The following SH3D19 variants were observed in gnomAD, a reference collection of about 807,000 sequenced individuals.
The protein encoded by SH3D19 is SH3 domain-containing protein 19.
In SH3D19, 58 loss-of-function variants were observed where a neutral mutation model predicts 112.1. The ratio of observed to expected loss-of-function variants is 0.52; its 90% confidence interval spans 0.42 to 0.64. SH3D19 has a LOEUF of 0.64. Among genes scored for constraint, SH3D19 ranks in the 30% least tolerant of loss-of-function variants. The pLI is 0.00. For missense variants in SH3D19, 1,090 were observed against 1,263.4 expected, an observed-to-expected ratio of 0.86 and a Z score of 2.08; for synonymous variants, 391 against 448.5, an observed-to-expected ratio of 0.87 and a Z score of 1.62.
intron 2 of SH3D19, among the ~76,000 whole-genome samples, chr4:151,195,371 C>CAAAAA (rs58618820): frequency 2.0e-3 from 136 of 66,744 alleles, no homozygotes; most frequent in Non-Finnish European, 2.4e-3. Flanking sequence ...GACTCTGTCT[C>CAAAAA]AAAAAAAAAA....
chr4:151,304,106 C>G (rs1728714130), intron 1 of SH3D19, among the ~76,000 whole-genome samples: 1 of 152,050 alleles, frequency 6.6e-6, no homozygotes, highest in Non-Finnish European at 1.5e-5. Flanking sequence ...GCACATACTA[C>G]CCAACCCAGC....
chr4:151,221,961 C>T (rs1473114206), intron 2 of SH3D19, among the ~76,000 whole-genome samples: 4 of 152,184 alleles, frequency 2.6e-5, no homozygotes, highest in African/African-American at 7.2e-5. Context: ...AGAACAGAGA[C>T]TCACAAGAGA....
At chr4:151,305,481 C>T (rs532048709) in intron 1 of SH3D19, among the ~76,000 whole-genome samples, 118 of 152,072 alleles carry the variant, frequency 7.8e-4, no homozygotes, top group Non-Finnish European at 1.3e-3. Flanking sequence ...TTAAACAACC[C>T]AATTTTTAAA....
intron 19 of SH3D19, among the ~76,000 whole-genome samples, chr4:151,123,117 TG>T (rs1579586529): frequency 6.6e-6 from 1 of 152,310 alleles, no homozygotes; most frequent in East Asian, 1.9e-4. Context: ...CACAAAGTGT[TG>T]GGGTTACAGG....
At chr4:151,198,535 T>C (rs1763915162) in intron 2 of SH3D19, among the ~76,000 whole-genome samples, 2 of 150,312 alleles carry the variant, frequency 1.3e-5, no homozygotes, top group Non-Finnish European at 3.0e-5. Context: ...TTTGTATCAC[T>C]TGATCAAAGG....
At chr4:151,254,489 C>T (rs898157976) in intron 1 of SH3D19, among the ~76,000 whole-genome samples, 7 of 141,008 alleles carry the variant, frequency 5.0e-5, no homozygotes, top group African/African-American at 1.5e-4. Context: ...TGTTTGTGTC[C>T]CTGGGTACTT....
At chr4:151,292,706 CT>C (rs1163575780) in intron 1 of SH3D19, among the ~76,000 whole-genome samples, 1 of 152,110 alleles carries the variant, frequency 6.6e-6, no homozygotes, top group East Asian at 1.9e-4. Flanking sequence ...TTAAGTCATC[CT>C]TTATTTCTCA....
intron 18 of SH3D19, among the ~76,000 whole-genome samples, 194 bp downstream of exon 18, chr4:151,127,971 ATTATT>A (rs1477711162): frequency 2.0e-5 from 3 of 152,224 alleles, no homozygotes; most frequent in Non-Finnish European, 4.4e-5. Context: ...GGAATTAGCC[ATTATT>A]TAGTGAAGAC....
Position 151,121,989 on chromosome 4 carries a change from ATTTC to A in SH3D19, c.*98_*101del. 2 of 684,776 alleles carry A rather than the reference ATTTC, an allele frequency of 2.9e-6. No homozygotes were observed. The highest frequency in any genetic ancestry group is 2.6e-4 in the Middle Eastern group (1 of 3,840). 42.4% of individuals were successfully genotyped at this position (684,776 alleles called of 1,614,324 possible). A position where few individuals can be genotyped will look rare whatever the true frequency, so the allele number is the denominator to read the frequency against. ...CTAGTGTACCATGTACAGCTTAGATATTTCTTTTTCAGTTAAAAAAAATAGTGCA... is the reference window on the plus strand; with the variant it reads ...CTAGTGTACCATGTACAGCTTAGATATTTTTCAGTTAAAAAAAATAGTGCA... On this transcript the variant is annotated 3_prime_UTR_variant, in exon 20 of 20. Coordinates refer to ENST00000604030, the MANE Select transcript of SH3D19 (RefSeq NM_001378122.1).
At chr4:151,127,552 C>T in intron 19 of SH3D19, 66 bp downstream of exon 19, 1 of 939,896 alleles carries the variant, frequency 1.1e-6, no homozygotes, top group South Asian at 1.8e-5. Context: ...ATGTTCCATC[C>T]TTCAATGGAA....
chr4:151,213,675 A>T (rs111235238), intron 2 of SH3D19, among the ~76,000 whole-genome samples: 122,963 of 149,964 alleles, frequency 0.82, 52,396 homozygotes, highest in Non-Finnish European at 0.95. Flanking sequence ...TGAATTAATT[A>T]ATTAATTAAT....
Position 151,325,253 on chromosome 4 carries a change from G to A in SH3D19, c.100C>T (p.His34Tyr). 1.6e-6 allele frequency: 2 copies of A among 1,221,562 alleles called. No individual in the cohort carries two copies. Among genetic ancestry groups the A allele is most frequent in the Non-Finnish European group, 2.0e-6 (2 of 981,208 alleles). The allele number at this position is 1,221,562 out of a possible 1,614,324, so 75.7% of individuals were successfully genotyped here. Residue 34 changes from histidine to tyrosine, a missense_variant, in exon 1 of 20, where the codon CAC becomes TAC. Physicochemically the swap from His to Tyr is moderately conservative, Grantham distance 83. Transcript: ENST00000604030. ...RRARGRALSG[H>Y]SAADRNERNK... is the part of the protein sequence containing the mutation. ...CCGCGCCTCTCACCTGCGGCCGAGTGGCCCGAGAGCGCACGGCCCCGGGCG... is the reference window on the plus strand; with the variant it reads ...CCGCGCCTCTCACCTGCGGCCGAGTAGCCCGAGAGCGCACGGCCCCGGGCG...
rs574385366 is a variant in SH3D19, at chr4:151,137,117, C to T, written c.2427+615G>A. ...CAGCCATCTGGGCTTACACACAGCTCTCACACATAGGAATGCTTTCACAAG... is the reference window on the plus strand; with the variant it reads ...CAGCCATCTGGGCTTACACACAGCTTTCACACATAGGAATGCTTTCACAAG... On this transcript the variant is annotated intron_variant, in intron 14 of 19. Coordinates refer to ENST00000604030, the MANE Select transcript of SH3D19 (RefSeq NM_001378122.1). Among the ~76,000 whole-genome samples the T allele has an allele frequency of 3.3e-5, 5 of 152,274 alleles. No individual in the cohort carries two copies. The South Asian group carries it at 1.0e-3, about 32-fold the overall frequency.
At position 151,214,766 on chromosome 4, in the gene SH3D19, AC is replaced by A. The variant is rs1263507743; in HGVS notation, c.152+11280del. ...GGGAGGCTGGCCGGGCAGGGGGCTG[AC>A]CCCCCCACCTCCCTCCCGGACGGAG... is the stretch of plus-strand genomic sequence containing the variant. On this transcript the variant is annotated intron_variant, in intron 2 of 19. Coordinates refer to ENST00000604030, the MANE Select transcript of SH3D19 (RefSeq NM_001378122.1). Among the ~76,000 whole-genome samples the A allele has an allele frequency of 2.2e-3, 188 of 84,250 alleles. 10 individuals are homozygous for A. Among genetic ancestry groups the A allele is most frequent in the South Asian group, 4.0e-3 (9 of 2,260 alleles). 55.3% of individuals were successfully genotyped at this position (84,250 alleles called of 152,430 possible).
intron 8 of SH3D19, among the ~76,000 whole-genome samples, chr4:151,164,814 G>T (rs944849068): frequency 1.3e-5 from 2 of 152,084 alleles, no homozygotes; most frequent in African/African-American, 4.8e-5. Flanking sequence ...TCTTGACCTC[G>T]TGATCCACCT....
chr4:151,175,304 A>C lies in SH3D19; in HGVS notation c.900T>G (p.Phe300Leu). The part of the protein sequence containing the change: ...QNSIVSRIKV[F>L]EGQTNIETSG... ...AGGTTTCTATGTTTGTCTGACCCTCAAACACTTTAATTCTGGAAACAATAC... is the reference window on the plus strand; with the variant it reads ...AGGTTTCTATGTTTGTCTGACCCTCCAACACTTTAATTCTGGAAACAATAC... The change falls in exon 7 of 20, where the codon TTT becomes TTG. Residue 300 changes from phenylalanine (F) to leucine (L), a missense_variant. By Grantham distance (22) the Phe-to-Leu change is conservative. Transcript: ENST00000604030. The C allele has an allele frequency of 6.2e-7, 1 of 1,614,058 alleles. No individual in the cohort carries two copies.
intron 11 of SH3D19, 52 bp downstream of exon 11, chr4:151,147,870 A>G: frequency 6.5e-6 from 10 of 1,532,958 alleles, no homozygotes; most frequent in Non-Finnish European, 8.8e-6. Context: ...AATCGTATAT[A>G]TACTTTAGGG....
At chr4:151,162,488 CCTTTTCAGGAT>C (rs1232658530) in intron 8 of SH3D19, among the ~76,000 whole-genome samples, 3 of 151,980 alleles carry the variant, frequency 2.0e-5, no homozygotes, top group African/African-American at 7.2e-5. Flanking sequence ...CTCAGCATAT[CCTTTTCAGGAT>C]TTCAAAGCTT....
intron 12 of SH3D19, among the ~76,000 whole-genome samples, chr4:151,141,848 C>A (rs1561217969): frequency 6.6e-6 from 1 of 152,128 alleles, no homozygotes; most frequent in Non-Finnish European, 1.5e-5. Flanking sequence ...CCAAATGGAC[C>A]AGAGGCCTAA....
Sources: allele counts gnomAD v4.1 joint callset (sites outside exome capture counted in the v4.1 genomes callset), GRCh38; gene constraint gnomAD v4.1.1; transcripts MANE v1.5; gene names NCBI Gene and HGNC (gene_info 2026-07-23, HGNC 2026-07-21).